The following RAPGEF4 variants were observed in gnomAD, a reference collection of about 807,000 sequenced individuals.
RAPGEF4 encodes RAP guanine-nucleotide-exchange factor (GEF) 4.
RAPGEF4 carries 66 observed loss-of-function variants against 147.9 expected under a neutral mutation model. The ratio of observed to expected loss-of-function variants is 0.45; its 90% CI spans 0.37 to 0.55. RAPGEF4 has a LOEUF of 0.55. Among genes scored for constraint, RAPGEF4 ranks in the 20% least tolerant of loss-of-function variants. The pLI, the probability that RAPGEF4 is intolerant of heterozygous loss-of-function variation, is 0.00. For missense variants in RAPGEF4, 1,071 were observed against 1,257.3 expected (o/e 0.85, Z 2.24); for synonymous variants, 419 against 442.7 (o/e 0.95, Z 0.67).
chr2:172,775,134 G>A (rs1684034236), intron 1 of RAPGEF4, among the ~76,000 whole-genome samples: 1 of 152,174 alleles, frequency 6.6e-6, no homozygotes, highest in Non-Finnish European at 1.5e-5. Context: ...TTTGGCATGG[G>A]TGGGTAGTTA....
Position 173,001,788 on chromosome 2 carries a change from C to T in RAPGEF4, c.1658+444C>T, listed in dbSNP as rs181573858. Among the ~76,000 whole-genome samples, 411 of 151,846 alleles carry T rather than the reference C, an allele frequency of 2.7e-3. 2 individuals carry two copies. The highest frequency in any genetic ancestry group is 9.2e-3 in the African/African-American group (382 of 41,386). ...GAGGTGGCAAACACTTTTAAACGAC[C>T]AGATCTCATGAGAATTCACTATCTC... On this transcript the variant is annotated intron_variant, in intron 17 of 30. Transcript: ENST00000397081.
At chr2:172,819,104 C>T (rs1362398459) in intron 4 of RAPGEF4, among the ~76,000 whole-genome samples, 4 of 152,130 alleles carry the variant, frequency 2.6e-5, no homozygotes, top group Non-Finnish European at 5.9e-5. Flanking sequence ...TTGTACCCTA[C>T]ATCTTTCCTA....
intron 3 of RAPGEF4, among the ~76,000 whole-genome samples, chr2:172,808,951 T>C (rs568827777): frequency 2.4e-4 from 37 of 152,312 alleles, no homozygotes; most frequent in Admixed American, 1.6e-3. Context: ...GACATCTTTA[T>C]TAACTTACCT....
At chr2:172,796,819 A>C (rs1264874564) in intron 2 of RAPGEF4, among the ~76,000 whole-genome samples, 5 of 152,214 alleles carry the variant, frequency 3.3e-5, no homozygotes, top group African/African-American at 4.8e-5. Flanking sequence ...AGAGGATTTT[A>C]AAATATCAAG....
At chr2:172,908,144 T>C (rs1468067270) in intron 4 of RAPGEF4, among the ~76,000 whole-genome samples, 1 of 152,246 alleles carries the variant, frequency 6.6e-6, no homozygotes, top group Non-Finnish European at 1.5e-5. Context: ...ATACCCTTTG[T>C]AGCTAGAAGT....
chr2:172,778,865 TA>T (rs756053130), intron 1 of RAPGEF4, among the ~76,000 whole-genome samples: 10 of 152,138 alleles, frequency 6.6e-5, no homozygotes, highest in Non-Finnish European at 1.0e-4. Flanking sequence ...GTTATTCATT[TA>T]AAAAAATCAC....
intron 1 of RAPGEF4, among the ~76,000 whole-genome samples, chr2:172,740,378 T>C (rs1202772909): frequency 6.6e-6 from 1 of 152,224 alleles, no homozygotes; most frequent in Non-Finnish European, 1.5e-5. Context: ...ATGATGAAGT[T>C]AACATGGTTA....
At chr2:172,887,255 A>G (rs1697346884) in intron 4 of RAPGEF4, among the ~76,000 whole-genome samples, 1 of 152,248 alleles carries the variant, frequency 6.6e-6, no homozygotes, top group Non-Finnish European at 1.5e-5. Context: ...AAGTAAAGAA[A>G]GATAATAGCT....
intron 17 of RAPGEF4, among the ~76,000 whole-genome samples, chr2:173,002,442 G>A (rs1559176424): frequency 6.6e-6 from 1 of 152,116 alleles, no homozygotes. Flanking sequence ...CTCAGAAAAT[G>A]GGAGTGGAAT....
intron 6 of RAPGEF4, among the ~76,000 whole-genome samples, chr2:172,951,295 T>G (rs189347472): frequency 1.4e-4 from 22 of 152,292 alleles, no homozygotes; most frequent in African/African-American, 4.8e-4. Context: ...CCTGAACACA[T>G]AAGTTACTCT....
intron 25 of RAPGEF4, among the ~76,000 whole-genome samples, chr2:173,029,802 G>C (rs1291496738): frequency 6.6e-6 from 1 of 152,186 alleles, no homozygotes; most frequent in Non-Finnish European, 1.5e-5. Flanking sequence ...TAAAGGTCTA[G>C]AAATCTCCAA....
chr2:172,839,491 T>G (rs1443135180), intron 4 of RAPGEF4, among the ~76,000 whole-genome samples: 1 of 152,078 alleles, frequency 6.6e-6, no homozygotes, highest in Non-Finnish European at 1.5e-5. Context: ...ATGGCGCTGG[T>G]GGGAGTGTAA....
chr2:172,842,342 C>T (rs938120859), intron 4 of RAPGEF4, among the ~76,000 whole-genome samples: 1 of 152,004 alleles, frequency 6.6e-6, no homozygotes, highest in Non-Finnish European at 1.5e-5. Flanking sequence ...TTGCAGAAGG[C>T]CAAAAAGAAG....
chr2:172,988,705 A>G lies in RAPGEF4; in HGVS notation c.1240A>G (p.Thr414Ala). 1 of 1,612,788 alleles carries G rather than the reference A, an allele frequency of 6.2e-7. No individual in the cohort carries two copies. Reference sequence around the variant, plus strand: ...CTACTCTATCCAGGGTGTGGTCTGCACCCTGCATGAAGGAGATGACTTCGG... The same window carrying G: ...CTACTCTATCCAGGGTGTGGTCTGCGCCCTGCATGAAGGAGATGACTTCGG... Reference protein sequence around the residue: ...VVIYGKGVVCTLHEGDDFGKL... With the variant: ...VVIYGKGVVCALHEGDDFGKL... Residue 414 changes from threonine to alanine, a missense_variant, in exon 14 of 31, where the codon ACC (threonine) becomes GCC (alanine). By Grantham distance (58) the Thr-to-Ala change is moderately conservative. Transcript: ENST00000397081.
At chr2:173,036,358 G>A in intron 28 of RAPGEF4, 146 bp downstream of exon 28, 1 of 713,502 alleles carries the variant, frequency 1.4e-6, no homozygotes, top group Non-Finnish European at 2.3e-6. Context: ...AGTCCTGACT[G>A]TTCAGAAAGG....
chr2:172,952,273 T>A (rs1254900815), intron 6 of RAPGEF4, among the ~76,000 whole-genome samples: 1 of 152,234 alleles, frequency 6.6e-6, no homozygotes, highest in Non-Finnish European at 1.5e-5. Flanking sequence ...AATTGAACCA[T>A]GTCTTCAAAA....
chr2:172,901,382 G>A (rs1208011254), intron 4 of RAPGEF4, among the ~76,000 whole-genome samples: 3 of 152,130 alleles, frequency 2.0e-5, no homozygotes, highest in African/African-American at 4.8e-5. Context: ...TTCTCTTAAA[G>A]CAAGAAGCTT....
At chr2:172,985,368 T>C (rs2105688200) in intron 11 of RAPGEF4, 65 bp from the exon 12 acceptor site, 1 of 1,612,004 alleles carries the variant, frequency 6.2e-7, no homozygotes, top group Non-Finnish European at 8.5e-7. Flanking sequence ...CCAGAAAGAG[T>C]ACAACCCTTT....
chr2:173,018,897 A>T (rs904690275), intron 22 of RAPGEF4, 95 bp downstream of exon 22: 1 of 1,353,022 alleles, frequency 7.4e-7, no homozygotes, highest in Non-Finnish European at 1.0e-6. Context: ...TGTGAGGCTC[A>T]CCCAGAGGAT....
Sources: gnomAD v4.1 joint callset for allele counts (sites outside exome capture counted in the v4.1 genomes callset) on GRCh38, gnomAD v4.1.1 for gene constraint, MANE v1.5 for transcripts, NCBI Gene and HGNC (gene_info 2026-07-23, HGNC 2026-07-21) for gene names.